Variants in CSMD1 observed in about 807,000 individuals in gnomAD.
CSMD1 encodes the protein CUB and Sushi multiple domains 1.
In CSMD1, 213 loss-of-function variants were observed where a neutral mutation model predicts 417.5. That is an observed-to-expected ratio of 0.51 (90% CI 0.46 to 0.57). CSMD1 has a LOEUF of 0.57. Ranked by LOEUF, CSMD1 falls within the 20% of genes least tolerant of loss-of-function variation. The pLI, the probability that CSMD1 is intolerant of heterozygous loss-of-function variation, is 0.00. For synonymous variants in CSMD1, 2,862 were observed against 1,736.8 expected (o/e 1.65, Z -16.11); for missense variants, 6,923 against 4,529.7 (o/e 1.53, Z -15.17).
chr8:4,647,241 T>A (rs1803574304), intron 1 of CSMD1, among the ~76,000 whole-genome samples: 1 of 152,046 alleles, frequency 6.6e-6, no homozygotes, highest in Admixed American at 6.5e-5. Flanking sequence ...TTCTATTTTT[T>A]TTTTTTTTTA....
intron 39 of CSMD1, 40 bp downstream of exon 39, chr8:3,157,855 AGT>A: frequency 6.8e-7 from 1 of 1,475,238 alleles, no homozygotes; most frequent in Non-Finnish European, 9.3e-7. Context: ...TGTTCTTCCC[AGT>A]GTGTGCGCAG....
At chr8:3,273,820 G>GT (rs1334653357) in intron 26 of CSMD1, among the ~76,000 whole-genome samples, 1 of 151,366 alleles carries the variant, frequency 6.6e-6, no homozygotes, top group East Asian at 1.9e-4. Context: ...ATTCCTCTCT[G>GT]TTTTTTTCTT....
At chr8:3,242,737 G>C (rs768057844) in intron 26 of CSMD1, among the ~76,000 whole-genome samples, 2 of 151,890 alleles carry the variant, frequency 1.3e-5, no homozygotes, top group East Asian at 2.0e-4. Context: ...AGAGAAAAGA[G>C]AGAGTAGAGA....
intron 5 of CSMD1, among the ~76,000 whole-genome samples, chr8:3,834,424 A>T (rs1363809990): frequency 6.6e-6 from 1 of 152,154 alleles, no homozygotes; most frequent in Non-Finnish European, 1.5e-5. Context: ...ACCCCCTGGA[A>T]GTGGGGCAGA....
intron 3 of CSMD1, among the ~76,000 whole-genome samples, chr8:4,390,451 T>C (rs1450618054): frequency 2.0e-5 from 3 of 152,028 alleles, no homozygotes; most frequent in Non-Finnish European, 1.5e-5. Context: ...GGATGTGTTT[T>C]ATCACCAACA....
At chr8:4,625,003 C>T (rs1266605782) in intron 2 of CSMD1, among the ~76,000 whole-genome samples, 2 of 152,096 alleles carry the variant, frequency 1.3e-5, no homozygotes, top group African/African-American at 4.8e-5. Flanking sequence ...CTTTATTCAG[C>T]GTGCTTGCCG....
chr8:3,968,043 C>A (rs56144653), intron 5 of CSMD1, among the ~76,000 whole-genome samples: 2 of 139,180 alleles, frequency 1.4e-5, no homozygotes, highest in South Asian at 4.6e-4. Flanking sequence ...AAAAATTAGC[C>A]GGGAGTGGTG....
Position 4,814,161 on chromosome 8 carries a change from A to C in CSMD1, c.86-176603T>G, listed in dbSNP as rs551251261. ...ATATAACGAATTCCGTGAAAACTGCAAGAAAATTAGGTTTCTTCCATCTTC... is the reference window on the plus strand; with the variant it reads ...ATATAACGAATTCCGTGAAAACTGCCAGAAAATTAGGTTTCTTCCATCTTC... On this transcript the variant is annotated intron_variant, in intron 1 of 69. Transcript: ENST00000635120. Among the ~76,000 whole-genome samples, 5 of 152,346 alleles carry C rather than the reference A, an allele frequency of 3.3e-5. No individual in the cohort carries two copies. In the South Asian group the frequency reaches 1.0e-3, roughly 32 times the overall value.
In CSMD1 at chr8:4,562,101, T is replaced by C. The variant is rs183734032; in HGVS notation, c.302+75241A>G. On this transcript the variant is annotated intron_variant, in intron 2 of 69. Transcript: ENST00000635120. ...AAGAAGATGGAAATATGTTCCCTGA[T>C]AGAGGAGGGAAGAGTGTAGGAAAAG... is the stretch of plus-strand genomic sequence containing the variant. 8.4e-3 allele frequency among the ~76,000 whole-genome samples: 1,273 copies of C among 152,194 alleles called. 10 individuals carry two copies. The highest frequency in any genetic ancestry group is 0.012 in the Non-Finnish European group (811 of 67,998).
In CSMD1 at chr8:3,468,641, C is replaced by T. The variant is rs1224744556; in HGVS notation, c.1561+71G>A. The T allele has an allele frequency of 3.3e-6, 3 of 912,850 alleles. No individual in the cohort carries two copies. The African/African-American group carries it at 5.0e-5, about 15-fold the overall frequency. The allele number at this position is 912,850 out of a possible 1,614,324, so 56.5% of individuals were successfully genotyped here. On this transcript the variant is annotated intron_variant, in intron 12 of 69. Coordinates refer to ENST00000635120, the MANE Select transcript of CSMD1 (RefSeq NM_033225.6). Reference sequence around the variant, plus strand: ...CTTGTTGATTTTACTTCTACCTAACCAACACAGAATGCTCTCTGCCCTCTC... The same window carrying T: ...CTTGTTGATTTTACTTCTACCTAACTAACACAGAATGCTCTCTGCCCTCTC...
At chr8:4,295,753 T>TGC (rs1797644382) in intron 3 of CSMD1, among the ~76,000 whole-genome samples, 2 of 5,102 alleles carry the variant, frequency 3.9e-4, no homozygotes, top group African/African-American at 1.8e-3. Flanking sequence ...TGTGTGTGTA[T>TGC]ATATATATAT....
chr8:4,797,948 G>C (rs1055444322), intron 1 of CSMD1, among the ~76,000 whole-genome samples: 1 of 152,176 alleles, frequency 6.6e-6, no homozygotes, highest in Non-Finnish European at 1.5e-5. Flanking sequence ...ACATACATAT[G>C]TGCCTAGACT....
intron 2 of CSMD1, among the ~76,000 whole-genome samples, chr8:4,440,764 T>G (rs893600437): frequency 1.3e-5 from 2 of 152,042 alleles, no homozygotes; most frequent in African/African-American, 4.8e-5. Flanking sequence ...GGGAGGCCAG[T>G]GCGAGCAGAT....
At chr8:4,392,184 A>T (rs1357232210) in intron 3 of CSMD1, among the ~76,000 whole-genome samples, 1 of 152,178 alleles carries the variant, frequency 6.6e-6, no homozygotes, top group Non-Finnish European at 1.5e-5. Flanking sequence ...CAACGTGCTA[A>T]GTCTTGAGGT....
rs577983603 is a variant in CSMD1 at position 4,312,459 on chromosome 8, A to G, written c.415+107494T>C. Among the ~76,000 whole-genome samples the G allele has an allele frequency of 5.8e-5, 8 of 138,894 alleles. 1 individual carries two copies. Among genetic ancestry groups the G allele is most frequent in the South Asian group, 2.5e-4 (1 of 4,080 alleles). The allele number at this position is 138,894 out of a possible 152,430, so 91.1% of individuals were successfully genotyped here. On this transcript the variant is annotated intron_variant, in intron 3 of 69. Coordinates refer to ENST00000635120, the MANE Select transcript of CSMD1 (RefSeq NM_033225.6). Reference sequence around the variant, plus strand: ...TATGCGTATATATATACGTATATATATGCGCGTATATATATATATACACAT... The same window carrying G: ...TATGCGTATATATATACGTATATATGTGCGCGTATATATATATATACACAT...
chr8:3,728,484 AAAT>A (rs745661093), intron 6 of CSMD1, among the ~76,000 whole-genome samples: 3 of 152,208 alleles, frequency 2.0e-5, no homozygotes, highest in Non-Finnish European at 1.5e-5. Flanking sequence ...ACAGAGTAGC[AAAT>A]AATAAGTAAA....
intron 2 of CSMD1, among the ~76,000 whole-genome samples, chr8:4,444,724 AAAT>A (rs762001476): frequency 1.2e-4 from 18 of 152,172 alleles, no homozygotes; most frequent in Non-Finnish European, 2.2e-4. Flanking sequence ...GCATGAAGGA[AAAT>A]AATGAGGTAA....
intron 31 of CSMD1, among the ~76,000 whole-genome samples, chr8:3,203,237 C>T (rs976375299): frequency 6.6e-6 from 1 of 152,166 alleles, no homozygotes; most frequent in African/African-American, 2.4e-5. Flanking sequence ...TACAAGATGT[C>T]AGGAGCCAGA....
chr8:2,995,434 A>C (rs1806799958), intron 54 of CSMD1, among the ~76,000 whole-genome samples: 1 of 152,210 alleles, frequency 6.6e-6, no homozygotes, highest in South Asian at 2.1e-4. Context: ...CATCGCCCAC[A>C]CATGTTGGGT....
Sources: allele counts gnomAD v4.1 joint callset (sites outside exome capture counted in the v4.1 genomes callset), GRCh38; gene constraint gnomAD v4.1.1; transcripts MANE v1.5; gene names NCBI Gene and HGNC (gene_info 2026-07-23, HGNC 2026-07-21).